Variants in GREB1 observed in about 807,000 individuals in gnomAD.
GREB1 encodes growth regulating estrogen receptor binding 1.
In GREB1, 106 loss-of-function variants were observed where a neutral mutation model predicts 200.7. The observed-to-expected ratio is 0.53, with a 90% confidence interval of 0.45 to 0.62. GREB1 has a LOEUF of 0.62. GREB1 is among the 20% of genes least tolerant of loss of function. The probability of loss-of-function intolerance (pLI) is 0.00; values close to 1 mark genes in which losing one functional copy is unlikely to be tolerated. For synonymous variants in GREB1, 1,132 were observed against 1,092.4 expected, an observed-to-expected ratio of 1.04 and a Z score of -0.72; for missense variants, 2,243 against 2,556.8, an observed-to-expected ratio of 0.88 and a Z score of 2.65.
intron 1 of GREB1, among the ~76,000 whole-genome samples, chr2:11,543,344 A>C (rs998243691): frequency 6.6e-6 from 1 of 152,254 alleles, no homozygotes; most frequent in East Asian, 1.9e-4. Context: ...TCTAGAAATT[A>C]GAATTATGGG....
chr2:11,541,509 A>G (rs949381144), intron 1 of GREB1, among the ~76,000 whole-genome samples: 1 of 151,954 alleles, frequency 6.6e-6, no homozygotes, highest in South Asian at 2.1e-4. Flanking sequence ...TCAGACCCCC[A>G]TGCACTACTC....
chr2:11,595,149 G>T, intron 11 of GREB1, 102 bp from the exon 12 acceptor site: 1 of 1,059,128 alleles, frequency 9.4e-7, no homozygotes. Context: ...GATTCCAGAT[G>T]GGAAATGTCA....
At position 11,629,195 on chromosome 2, in the gene GREB1, G is replaced by A. The variant is rs748021223; in HGVS notation, c.4450-753G>A. On this transcript the variant is annotated intron_variant, in intron 25 of 32. Coordinates refer to ENST00000381486, the MANE Select transcript of GREB1 (RefSeq NM_014668.4). This position sits in a 1 kb window ranked among gnomAD's most constrained non-coding sequence, Gnocchi z 5.2. The stretch of plus-strand genomic sequence containing the variant: ...CCTGCAGACCCTGGATGCATGCATA[G>A]CACATGCTAGGAGGGGATGTCAGTA... Among the ~76,000 whole-genome samples the A allele has an allele frequency of 5.3e-5, 8 of 152,080 alleles. No homozygotes were observed. Among genetic ancestry groups the A allele is most frequent in the Non-Finnish European group, 1.0e-4 (7 of 68,000 alleles).
rs191892159 is a variant in GREB1, at chr2:11,640,819, G to A, written c.*365G>A. The stretch of plus-strand genomic sequence containing the variant: ...AAAGAATCTTGGGTTATTTTGTAGC[G>A]GTGCCAGTATTTCAGTAGATGGGAT... On this transcript the variant is annotated 3_prime_UTR_variant, in exon 33 of 33. Transcript: ENST00000381486. The surrounding 1 kb of genome is among the most constrained non-coding windows in gnomAD (Gnocchi z 4.6). The A allele has an allele frequency of 2.6e-3, 511 of 197,962 alleles. 2 individuals are homozygous for A. The highest frequency in any genetic ancestry group is 4.5e-3 in the Admixed American group (73 of 16,082). The allele number at this position is 197,962 out of a possible 1,614,324, so 12.3% of individuals were successfully genotyped here. A position where few individuals can be genotyped will look rare whatever the true frequency, so the allele number is the denominator to read the frequency against.
rs756215571 is a variant in GREB1 at position 11,640,338 on chromosome 2, A to T, written c.5734A>T (p.Thr1912Ser). The stretch of plus-strand genomic sequence containing the variant: ...TCAGGACCGGAGCTCACTGCGCCAG[A>T]CGGTCGTCCGCCTGGAGCTCGAGGA... ...ICQDRSSLRQ[T>S]VVRLELEDEW... The change falls in exon 33 of 33, where the codon ACG (threonine) becomes TCG (serine). Residue 1912 changes from threonine to serine, a missense_variant. By Grantham distance (58) the Thr-to-Ser change is moderately conservative. This residue lies in a region of GREB1 where 478 missense variants were observed against 616.3 expected (regional missense o/e 0.78). Transcript: ENST00000381486. This position sits in a 1 kb window ranked among gnomAD's most constrained non-coding sequence, Gnocchi z 4.6. The T allele has an allele frequency of 6.2e-7, 1 of 1,614,064 alleles. No homozygotes were observed. Among genetic ancestry groups the T allele is most frequent in the Admixed American group, 1.7e-5 (1 of 60,016 alleles).
chr2:11,509,179 T>G (rs966893005), intron 1 of GREB1, among the ~76,000 whole-genome samples: 2 of 152,122 alleles, frequency 1.3e-5, no homozygotes, highest in Non-Finnish European at 2.9e-5. Flanking sequence ...CGGCCCCAGA[T>G]TTTTCTTTCT....
chr2:11,523,337 G>A (rs922850765), intron 1 of GREB1, among the ~76,000 whole-genome samples: 9 of 152,072 alleles, frequency 5.9e-5, no homozygotes, highest in African/African-American at 1.9e-4. Flanking sequence ...CATGACATGA[G>A]TTTACCTGTA....
intron 1 of GREB1, among the ~76,000 whole-genome samples, chr2:11,523,475 G>T: frequency 6.6e-6 from 1 of 152,194 alleles, no homozygotes; most frequent in East Asian, 1.9e-4. Context: ...GTCTTGGGAT[G>T]CCATGGTAGA....
chr2:11,624,529 G>C (rs1191806724), intron 23 of GREB1, among the ~76,000 whole-genome samples: 1 of 151,758 alleles, frequency 6.6e-6, no homozygotes, highest in Non-Finnish European at 1.5e-5. Context: ...ATTTTTAGTA[G>C]ATACGGGGTT....
chr2:11,508,341 A>G (rs1487317432), intron 1 of GREB1, among the ~76,000 whole-genome samples: 2 of 152,140 alleles, frequency 1.3e-5, no homozygotes, highest in African/African-American at 4.8e-5. Context: ...CACCCTCACC[A>G]TCCTCTGCAT....
At chr2:11,609,917 C>G (rs1321140281) in intron 17 of GREB1, among the ~76,000 whole-genome samples, 1 of 152,170 alleles carries the variant, frequency 6.6e-6, no homozygotes, top group Non-Finnish European at 1.5e-5. Context: ...TCAATCAACC[C>G]AGAAGAACAT....
intron 9 of GREB1, 82 bp downstream of exon 9, chr2:11,585,987 C>A: frequency 7.1e-7 from 1 of 1,400,846 alleles, no homozygotes; most frequent in Non-Finnish European, 1.0e-6. Context: ...GAGACCTCAT[C>A]CCGGTCTGAC....
intron 24 of GREB1, among the ~76,000 whole-genome samples, chr2:11,625,791 A>T (rs1684398053): frequency 6.6e-6 from 1 of 152,112 alleles, no homozygotes; most frequent in Non-Finnish European, 1.5e-5. Flanking sequence ...AAAGGAAATG[A>T]CTGTGTTAGT....
intron 1 of GREB1, among the ~76,000 whole-genome samples, chr2:11,495,773 T>A (rs2148413833): frequency 6.6e-6 from 1 of 150,676 alleles, no homozygotes; most frequent in South Asian, 2.1e-4. Flanking sequence ...GTCCGTTGAA[T>A]CTTGGTTAGG....
chr2:11,619,463 C>T (rs774518498), intron 22 of GREB1, among the ~76,000 whole-genome samples: 8 of 152,108 alleles, frequency 5.3e-5, no homozygotes, highest in Non-Finnish European at 1.0e-4. Flanking sequence ...GGCTGGGATG[C>T]GGTTCAGTAT....
chr2:11,579,819 T>C (rs755482618), intron 6 of GREB1, among the ~76,000 whole-genome samples: 2 of 152,196 alleles, frequency 1.3e-5, no homozygotes, highest in African/African-American at 2.4e-5. Context: ...GAATTACCCT[T>C]AGACCTGGGG....
At chr2:11,603,739 T>C (rs1184242652) in intron 17 of GREB1, among the ~76,000 whole-genome samples, 1 of 152,258 alleles carries the variant, frequency 6.6e-6, no homozygotes, top group Non-Finnish European at 1.5e-5. Flanking sequence ...AGATTTCACA[T>C]TGAGGCAAGA....
intron 1 of GREB1, among the ~76,000 whole-genome samples, chr2:11,510,822 G>A (rs1181242538): frequency 6.6e-6 from 1 of 151,678 alleles, no homozygotes; most frequent in East Asian, 1.9e-4. Context: ...ACAGGTGCCT[G>A]TCATCACACC....
Position 11,493,175 on chromosome 2 carries a change from C to T in GREB1, c.-159+10794C>T, listed in dbSNP as rs138243081. On this transcript the variant is annotated intron_variant, in intron 1 of 2. Transcript: ENST00000628795. This position sits in a 1 kb window ranked among gnomAD's most constrained non-coding sequence, Gnocchi z 4.6. ...GTTGTCCATAGGCTTGTGGAAACTG[C>T]GACATGAAGGGAAATGAGGTATGTA... Among the ~76,000 whole-genome samples, 465 of 152,224 alleles carry T rather than the reference C, an allele frequency of 3.1e-3. 5 individuals carry two copies. The highest frequency in any genetic ancestry group is 0.011 in the African/African-American group (445 of 41,526).
Sources: gnomAD v4.1 joint callset for allele counts (sites outside exome capture counted in the v4.1 genomes callset) on GRCh38, gnomAD v4.1.1 for gene constraint, gnomAD v4.1.1 regional missense constraint, Gnocchi (gnomAD v3.1) non-coding constraint, MANE v1.5 for transcripts, NCBI Gene and HGNC (gene_info 2026-07-23, HGNC 2026-07-21) for gene names.